PKN3: variants seen among roughly 807,000 people sequenced by gnomAD.
The protein encoded by PKN3 is serine/threonine-protein kinase N3.
In PKN3, 91 loss-of-function variants were observed where a neutral mutation model predicts 113.1. That is an observed-to-expected ratio of 0.80 (90% CI 0.68 to 0.96). The LOEUF (loss-of-function observed/expected upper bound fraction) is 0.96, where lower values mean the gene tolerates loss of function less well. PKN3 is among the 40% of genes least tolerant of loss of function. The pLI, the probability that PKN3 is intolerant of heterozygous loss-of-function variation, is 0.00. For missense variants in PKN3, 1,052 were observed against 1,202.2 expected (o/e 0.88, Z 1.85); for synonymous variants, 467 against 499.0 (o/e 0.94, Z 0.85).
chr9:128,719,954 C>A lies in PKN3; in HGVS notation c.2313C>A (p.Ile771=). The A allele has an allele frequency of 6.2e-7, 1 of 1,614,108 alleles. No individual in the cohort carries two copies. Among genetic ancestry groups the A allele is most frequent in the South Asian group, 1.1e-5 (1 of 91,084 alleles). Residue 771 remains isoleucine (I), a synonymous_variant, in exon 20 of 22, where the codon ATC becomes ATA. Transcript: ENST00000291906. ...CAGAGGAAGAGGTGTTTGACTGCAT[C>A]GTCAACATGGACGCCCCCTACCCCG... ...GDTEEEVFDC[I]VNMDAPYPGF...
intron 9 of PKN3, 120 bp from the exon 10 acceptor site, chr9:128,713,926 T>C (rs2417124): frequency 1 from 1,016,737 of 1,019,904 alleles, 506,850 homozygotes; most frequent in East Asian, 1. Flanking sequence ...TCTCTGGGTC[T>C]TTCTGGCTCT....
chr9:128,714,335 T>C lies in PKN3; in HGVS notation c.1451T>C (p.Leu484Pro). Residue 484 changes from leucine (L) to proline (P), a missense_variant, in exon 11 of 22, where the codon CTG becomes CCG. Physicochemically the swap from Leu to Pro is moderately conservative, Grantham distance 98. Transcript: ENST00000291906. ...PKGCPRTPTT[L>P]REASDPATPS... ...GGATGCCCTCGGACCCCAACAACAC[T>C]GCGAGAGGCCTCTGACCCTGCCACT... 3 of 1,606,570 alleles carry C rather than the reference T, an allele frequency of 1.9e-6. No individual in the cohort carries two copies. The highest frequency in any genetic ancestry group is 2.2e-5 in the East Asian group (1 of 44,736).
At chr9:128,718,509 A>G (rs1320506982) in intron 17 of PKN3, 40 bp from the exon 18 acceptor site, 1 of 1,607,402 alleles carries the variant, frequency 6.2e-7, no homozygotes, top group East Asian at 2.2e-5. Context: ...CCTGGGTCTA[A>G]GCCCCACTCA....
rs1291848800 is a variant in PKN3, at chr9:128,718,891, TTTTTTGGTTTG to T, written c.2125+272_2125+282del. Among the ~76,000 whole-genome samples the T allele has an allele frequency of 8.0e-4, 23 of 28,776 alleles. No individual in the cohort carries two copies. The Non-Finnish European group carries it at 0.012, about 15-fold the overall frequency. 18.9% of individuals were successfully genotyped at this position (28,776 alleles called of 152,430 possible). On this transcript the variant is annotated intron_variant, in intron 18 of 21. Coordinates refer to ENST00000291906, the MANE Select transcript of PKN3 (RefSeq NM_013355.5). ...GAGACTGAGTTCTGCCTTCTGTTTT[TTTTTTGGTTTG>T]TTTTTTTTTTTGAGACGGAGTCTTG...
rs775777711 is a variant in PKN3 at position 128,719,657 on chromosome 9, C to A, written c.2126-29C>A. The A allele has an allele frequency of 3.9e-6, 6 of 1,522,338 alleles. No individual in the cohort carries two copies. In the African/African-American group the frequency reaches 8.3e-5, roughly 21 times the overall value. The allele number at this position is 1,522,338 out of a possible 1,614,324, so 94.3% of individuals were successfully genotyped here. A position where few individuals can be genotyped will look rare whatever the true frequency, so the allele number is the denominator to read the frequency against. On this transcript the variant is annotated intron_variant, in intron 18 of 21. Transcript: ENST00000291906. ...GTTATTGTGAATAGGCCACACCAAG[C>A]AGCTATTGGTGTGCCTGTTGGTTTG...
At position 128,716,748 on chromosome 9, in the gene PKN3, C is replaced by G. The variant is rs1405172093; in HGVS notation, c.1810C>G (p.Leu604Val). ...TAATACTCTTGCTCTCTCCTGTAGCCTGTACTGCGAGAAGCGGATCCTGGA... is the reference window on the plus strand; with the variant it reads ...TAATACTCTTGCTCTCTCCTGTAGCGTGTACTGCGAGAAGCGGATCCTGGA... ...EVLSRDEIES[L>V]YCEKRILEAV... is the part of the protein sequence containing the mutation. Residue 604 changes from leucine to valine, a missense_variant and splice_region_variant, in exon 16 of 22, where the codon CTG becomes GTG. Coordinates refer to ENST00000291906, the MANE Select transcript of PKN3 (RefSeq NM_013355.5). 1 of 1,613,392 alleles carries G rather than the reference C, an allele frequency of 6.2e-7. No individual in the cohort carries two copies. The highest frequency in any genetic ancestry group is 1.3e-5 in the African/African-American group (1 of 74,916).
At chr9:128,718,913 T>TTG in intron 18 of PKN3, among the ~76,000 whole-genome samples, 1 of 147,686 alleles carries the variant, frequency 6.8e-6, no homozygotes, top group South Asian at 2.2e-4. Flanking sequence ...TTTTTTTTTT[T>TTG]GAGACGGAGT....
chr9:128,714,878 G>A lies in PKN3; in HGVS notation c.1652+13G>A. On this transcript the variant is annotated intron_variant, in intron 13 of 21. Transcript: ENST00000291906. The stretch of plus-strand genomic sequence containing the variant: ...CCTCCCCCACCAGGTACCCCATCCT[G>A]CGCACCTTCATGTTTGAGACGTTCG... The A allele has an allele frequency of 6.2e-7, 1 of 1,611,674 alleles. No individual in the cohort carries two copies. The highest frequency in any genetic ancestry group is 8.5e-7 in the Non-Finnish European group (1 of 1,177,906).
rs1324318558 is a variant in PKN3 at position 128,713,605 on chromosome 9, C to T, written c.1199C>T (p.Ser400Phe). ...DFLDNACHQL[S>F]LSLVPQGLLF... ...CTGGACAATGCCTGTCACCAACTGT[C>T]CCTCAGCCTGGTACCGCAGGGACTG... Residue 400 changes from serine (S) to phenylalanine (F), a missense_variant, in exon 9 of 22, where the codon TCC becomes TTC. Ser to Phe is a radical substitution (Grantham distance 155). Transcript: ENST00000291906. 1.9e-6 allele frequency: 3 copies of T among 1,613,780 alleles called. No homozygotes were observed. Among genetic ancestry groups the T allele is most frequent in the South Asian group, 1.1e-5 (1 of 91,090 alleles).
At position 128,707,191 on chromosome 9, in the gene PKN3, C is replaced by T. The variant is rs770287495; in HGVS notation, c.652-31C>T. ...CTGCTGCCCCCTGCCATATACCCCA[C>T]GAACCTGGCTCTACGTTGTCCCCTC... On this transcript the variant is annotated intron_variant, in intron 5 of 21. Coordinates refer to ENST00000291906, the MANE Select transcript of PKN3 (RefSeq NM_013355.5). 12 of 1,587,212 alleles carry T rather than the reference C, an allele frequency of 7.6e-6. No individual in the cohort carries two copies. The East Asian group carries it at 9.0e-5, about 12-fold the overall frequency.
In PKN3 at chr9:128,714,234, C is replaced by T; in HGVS notation, c.1350C>T (p.Gly450=). Residue 450 remains glycine, a synonymous_variant, in exon 11 of 22, where the codon GGC becomes GGT. Transcript: ENST00000291906. ...DFLRASQMNL[G]MAAWGRLVMN... ...TGAGGGCTTCGCAGATGAACCTCGG[C>T]ATGGCGGCCTGGGGGCGCCTCGTCA... 6.2e-7 allele frequency: 1 copy of T among 1,613,990 alleles called. No homozygotes were observed. Among genetic ancestry groups the T allele is most frequent in the Non-Finnish European group, 8.5e-7 (1 of 1,179,962 alleles).
chr9:128,707,878 C>T (rs1862065615), intron 6 of PKN3, among the ~76,000 whole-genome samples: 1 of 151,508 alleles, frequency 6.6e-6, no homozygotes, highest in Admixed American at 6.6e-5. Context: ...CCAAGACCAG[C>T]CTGGCCAAGA....
rs1862509332 is a variant in PKN3, at chr9:128,720,559, G to A, written c.2623G>A (p.Ala875Thr). The A allele has an allele frequency of 3.7e-6, 6 of 1,613,406 alleles. No homozygotes were observed. Among genetic ancestry groups the A allele is most frequent in the South Asian group, 1.1e-5 (1 of 91,086 alleles). ...CCTCCTCACTGCCCGCCAACAGGCCGCCTTCCGGGACTTCGACTTTGTGTC... is the reference window on the plus strand; with the variant it reads ...CCTCCTCACTGCCCGCCAACAGGCCACCTTCCGGGACTTCGACTTTGTGTC... ...HSLLTARQQA[A>T]FRDFDFVSER... Residue 875 changes from alanine (A) to threonine (T), a missense_variant, in exon 22 of 22, where the codon GCC (alanine) becomes ACC (threonine). This residue lies in a region of PKN3 where 333 missense variants were observed against 442.8 expected (regional missense o/e 0.75). Transcript: ENST00000291906. This position sits in a 1 kb window ranked among gnomAD's most constrained non-coding sequence, Gnocchi z 5.5.
intron 6 of PKN3, among the ~76,000 whole-genome samples, chr9:128,708,281 C>G (rs1252702216): frequency 6.6e-6 from 1 of 151,840 alleles, no homozygotes; most frequent in Non-Finnish European, 1.5e-5. Context: ...ACTCGGGAGG[C>G]TAAGGCAGGA....
rs1383604329 is a variant in PKN3, at chr9:128,715,216, G to T, written c.1697G>T (p.Gly566Val). 3.1e-6 allele frequency: 5 copies of T among 1,614,106 alleles called. No individual in the cohort carries two copies. The highest frequency in any genetic ancestry group is 2.2e-5 in the East Asian group (1 of 44,862). ...GACTTCCGCTGCTTAGCTGTGCTGG[G>T]CCGGGGACACTTTGGGAAGGTAGTG... ...LQDFRCLAVL[G>V]RGHFGKVLLV... The change falls in exon 14 of 22, where the codon GGC becomes GTC. Residue 566 changes from glycine (G) to valine (V), a missense_variant. By Grantham distance (109) the Gly-to-Val change is moderately radical. Coordinates refer to ENST00000291906, the MANE Select transcript of PKN3 (RefSeq NM_013355.5). This position sits in a 1 kb window ranked among gnomAD's most constrained non-coding sequence, Gnocchi z 4.1.
At chr9:128,712,713 G>A (rs1589484782) in intron 6 of PKN3, among the ~76,000 whole-genome samples, 1 of 152,194 alleles carries the variant, frequency 6.6e-6, no homozygotes, top group African/African-American at 2.4e-5. Context: ...CCTGGAAAGA[G>A]GTGGCTGCCA....
Position 128,713,331 on chromosome 9 carries a change from T to TGG in PKN3, c.1040_1041dup (p.Gln348GlyfsTer40). Reference sequence around the variant, plus strand: ...CAACCGTGTTGTGGGGCAGACGGGCTGGGGGCAGGTGGCCGAACAGTCCTG... The same window carrying TGG: ...CAACCGTGTTGTGGGGCAGACGGGCTGGGGGGGCAGGTGGCCGAACAGTCCTG... On this transcript the variant is annotated frameshift_variant, in exon 8 of 22. Coordinates refer to ENST00000291906, the MANE Select transcript of PKN3 (RefSeq NM_013355.5). LOFTEE classifies it high-confidence loss of function. 6.2e-7 allele frequency: 1 copy of TGG among 1,614,100 alleles called. No individual in the cohort carries two copies. The highest frequency in any genetic ancestry group is 1.1e-5 in the South Asian group (1 of 91,066).
chr9:128,719,947 A>G lies in PKN3; in HGVS notation c.2306A>G (p.Asp769Gly). The change falls in exon 20 of 22, where the codon GAC becomes GGC. Residue 769 changes from aspartate (D) to glycine (G), a missense_variant. By Grantham distance (94) the Asp-to-Gly change is moderately conservative. Around this residue, in one of 2 missense-constraint regions of PKN3, gnomAD observed 333 missense variants for 442.8 expected, o/e 0.75. Transcript: ENST00000291906. ...GGGGACACAGAGGAAGAGGTGTTTG[A>G]CTGCATCGTCAACATGGACGCCCCC... The part of the protein sequence containing the change: ...FPGDTEEEVF[D>G]CIVNMDAPYP... 6.2e-7 allele frequency: 1 copy of G among 1,614,074 alleles called. No individual in the cohort carries two copies. The highest frequency in any genetic ancestry group is 8.5e-7 in the Non-Finnish European group (1 of 1,179,992).
chr9:128,719,976 C>G lies in PKN3; in HGVS notation c.2335C>G (p.Pro779Ala). ...DCIVNMDAPY[P>A]GFLSVQGLEF... ...CATCGTCAACATGGACGCCCCCTAC[C>G]CCGGCTTTCTGTCGGTGCAAGGGCT... is the stretch of plus-strand genomic sequence containing the variant. Residue 779 changes from proline (P) to alanine (A), a missense_variant, in exon 20 of 22, where the codon CCC becomes GCC. Pro to Ala is a conservative substitution (Grantham distance 27, BLOSUM62 -1). This residue lies in a region of PKN3 where 333 missense variants were observed against 442.8 expected (regional missense o/e 0.75). Transcript: ENST00000291906. 6.2e-7 allele frequency: 1 copy of G among 1,614,138 alleles called. No individual in the cohort carries two copies. The highest frequency in any genetic ancestry group is 8.5e-7 in the Non-Finnish European group (1 of 1,180,012).
Sources: gnomAD v4.1 joint callset for allele counts (sites outside exome capture counted in the v4.1 genomes callset) on GRCh38, gnomAD v4.1.1 for gene constraint, gnomAD v4.1.1 regional missense constraint, Gnocchi (gnomAD v3.1) non-coding constraint, MANE v1.5 for transcripts, NCBI Gene and HGNC (gene_info 2026-07-23, HGNC 2026-07-21) for gene names.